PCDHGA11: variants seen among roughly 807,000 people sequenced by gnomAD.
PCDHGA11 encodes the protein protocadherin gamma-A11.
Under a neutral mutation model 60.4 loss-of-function variants are expected in PCDHGA11, and 39 were observed. That is an observed-to-expected ratio of 0.65 (90% CI 0.50 to 0.84). The LOEUF (loss-of-function observed/expected upper bound fraction) is 0.84, where lower values mean the gene tolerates loss of function less well. Ranked by LOEUF, PCDHGA11 falls within the 40% of genes least tolerant of loss-of-function variation. The pLI is 0.00. For missense variants in PCDHGA11, 1,165 were observed against 1,197.7 expected, an observed-to-expected ratio of 0.97 and a Z score of 0.40; for synonymous variants, 533 against 510.3, an observed-to-expected ratio of 1.04 and a Z score of -0.60.
Position 141,432,325 on chromosome 5 carries a change from C to CGAGCA in PCDHGA11, c.2433+8667_2433+8671dup, listed in dbSNP as rs768604869. On this transcript the variant is annotated intron_variant, in intron 1 of 3. Coordinates refer to ENST00000398587, the MANE Select transcript of PCDHGA11 (RefSeq NM_018914.3). This position sits in a 1 kb window ranked among gnomAD's most constrained non-coding sequence, Gnocchi z 6.0. Reference sequence around the variant, plus strand: ...TGTATGCGCTGAGCTCCTTCGACTACGAGCAGTTCCGAGACTTGCAAGTGA... The same window carrying CGAGCA: ...TGTATGCGCTGAGCTCCTTCGACTACGAGCAGAGCAGTTCCGAGACTTGCAAGTGA... 20 of 1,614,142 alleles carry CGAGCA rather than the reference C, an allele frequency of 1.2e-5. No individual in the cohort carries two copies. Among genetic ancestry groups the CGAGCA allele is most frequent in the Non-Finnish European group, 1.7e-5 (20 of 1,180,050 alleles).
At chr5:141,509,670 T>G (rs2099877782) in intron 3 of PCDHGA11, among the ~76,000 whole-genome samples, 1 of 152,136 alleles carries the variant, frequency 6.6e-6, no homozygotes, top group African/African-American at 2.4e-5. Flanking sequence ...TGGGCCCCAG[T>G]TTCTTCTTCT....
chr5:141,423,832 T>G, intron 1 of PCDHGA11, 172 bp downstream of exon 1: 113 of 1,253,376 alleles, frequency 9.0e-5, no homozygotes, highest in East Asian at 2.6e-4. Context: ...TTTCATGAGA[T>G]TACGATAATC....
chr5:141,501,374 T>A (rs2099808767), intron 2 of PCDHGA11, among the ~76,000 whole-genome samples: 1 of 151,106 alleles, frequency 6.6e-6, no homozygotes. Context: ...CATCATCTCT[T>A]AAATCCTAGG....
chr5:141,426,719 A>G (rs776136674), intron 1 of PCDHGA11: 2 of 446,424 alleles, frequency 4.5e-6, no homozygotes, highest in Non-Finnish European at 9.1e-6. Context: ...ATGAACTAGC[A>G]ATTCCAGGCA....
intron 1 of PCDHGA11, among the ~76,000 whole-genome samples, chr5:141,448,476 G>A (rs1002358317): frequency 1.3e-5 from 2 of 151,976 alleles, no homozygotes; most frequent in African/African-American, 4.8e-5. Flanking sequence ...TTCCACCCTT[G>A]CTTCCTCCTG....
At position 141,491,566 on chromosome 5, in the gene PCDHGA11, A is replaced by G; in HGVS notation, c.2434-3241A>G. Reference sequence around the variant, plus strand: ...AGACTCGCAGAGCCACTGCTACAGGACGTGCTTTTCACCGGCCTCGGACGG... The same window carrying G: ...AGACTCGCAGAGCCACTGCTACAGGGCGTGCTTTTCACCGGCCTCGGACGG... On this transcript the variant is annotated intron_variant, in intron 1 of 3. Transcript: ENST00000398587. This position sits in a 1 kb window ranked among gnomAD's most constrained non-coding sequence, Gnocchi z 6.9. 1 of 1,613,950 alleles carries G rather than the reference A, an allele frequency of 6.2e-7. No individual in the cohort carries two copies.
At chr5:141,459,263 C>T (rs2098964603) in intron 1 of PCDHGA11, among the ~76,000 whole-genome samples, 1 of 152,176 alleles carries the variant, frequency 6.6e-6, no homozygotes, top group South Asian at 2.1e-4. Flanking sequence ...ATTAGTGTTG[C>T]CTCTTTCAGA....
chr5:141,483,648 TTGTGTGTGTGTGTG>T (rs111458813), intron 1 of PCDHGA11, among the ~76,000 whole-genome samples: 1 of 149,592 alleles, frequency 6.7e-6, no homozygotes, highest in Non-Finnish European at 1.5e-5. Flanking sequence ...GGGTGTGTGT[TTGTGTGTGTGTGTG>T]TGTGTGTAAA....
At chr5:141,462,896 A>G (rs1280422442) in intron 1 of PCDHGA11, among the ~76,000 whole-genome samples, 1 of 152,142 alleles carries the variant, frequency 6.6e-6, no homozygotes, top group African/African-American at 2.4e-5. Context: ...TTGTTTTGGA[A>G]GGCTATTATG....
chr5:141,441,162 G>A (rs1009205566), intron 1 of PCDHGA11: 48 of 152,166 alleles, frequency 3.2e-4, no homozygotes, highest in Admixed American at 1.5e-3. Flanking sequence ...TCCTAGAGGC[G>A]ATTTTTACTT....
At chr5:141,456,352 C>T (rs1253586137) in intron 1 of PCDHGA11, among the ~76,000 whole-genome samples, 1 of 152,050 alleles carries the variant, frequency 6.6e-6, no homozygotes, top group Non-Finnish European at 1.5e-5. Flanking sequence ...GGAAGAATGG[C>T]GTCCATGTGT....
At position 141,421,580 on chromosome 5, in the gene PCDHGA11, A is replaced by G. The variant is rs375319424; in HGVS notation, c.353A>G (p.Tyr118Cys). ...CTCGTGGAAGACACCTTGAAGATTT[A>G]CGGAGTGGAGGTGGAAATAATAGAT... Reference protein sequence around the residue: ...ELLVEDTLKIYGVEVEIIDIN... With the variant: ...ELLVEDTLKICGVEVEIIDIN... Residue 118 changes from tyrosine (Y) to cysteine (C), a missense_variant, in exon 1 of 4, where the codon TAC becomes TGC. Transcript: ENST00000398587. The G allele has an allele frequency of 1.1e-5, 17 of 1,613,782 alleles. No individual in the cohort carries two copies. In the East Asian group the frequency reaches 2.7e-4, roughly 25 times the overall value.
intron 1 of PCDHGA11, among the ~76,000 whole-genome samples, chr5:141,471,978 A>C (rs1246474598): frequency 1.3e-5 from 2 of 152,184 alleles, no homozygotes; most frequent in African/African-American, 4.8e-5. Flanking sequence ...TTACTGTATA[A>C]ATTTATTAAA....
At position 141,493,223 on chromosome 5, in the gene PCDHGA11, A is replaced by G. The variant is rs2099747083; in HGVS notation, c.2434-1584A>G. Among the ~76,000 whole-genome samples, 1 of 152,142 alleles carries G rather than the reference A, an allele frequency of 6.6e-6. No homozygotes were observed. The highest frequency in any genetic ancestry group is 6.6e-5 in the Admixed American group (1 of 15,262). On this transcript the variant is annotated intron_variant, in intron 1 of 3. Transcript: ENST00000398587. The surrounding 1 kb of genome is among the most constrained non-coding windows in gnomAD (Gnocchi z 4.3). ...CCTCATCTCATTTGCTCTTCCCACC[A>G]TTGCTGTTGGCTAGGTACTAACATG...
chr5:141,468,853 G>A (rs893773356), intron 1 of PCDHGA11, among the ~76,000 whole-genome samples: 7 of 151,000 alleles, frequency 4.6e-5, no homozygotes, highest in Admixed American at 6.6e-5. Context: ...GCAACAGAGC[G>A]AGACTCCATC....
At chr5:141,456,777 A>G (rs572940615) in intron 1 of PCDHGA11, among the ~76,000 whole-genome samples, 2 of 152,214 alleles carry the variant, frequency 1.3e-5, no homozygotes, top group Admixed American at 6.5e-5. Flanking sequence ...AGCCTGGCCT[A>G]CATGGCAAAA....
Position 141,490,667 on chromosome 5 carries a change from T to C in PCDHGA11, c.2434-4140T>C, listed in dbSNP as rs906656199. The stretch of plus-strand genomic sequence containing the variant: ...CCTCCGGGCTCCCTTCTTTGCACTG[T>C]GGCTGCCTCAGATCCAGACACTGGG... On this transcript the variant is annotated intron_variant, in intron 1 of 3. Transcript: ENST00000398587. This position sits in a 1 kb window ranked among gnomAD's most constrained non-coding sequence, Gnocchi z 5.4. The C allele has an allele frequency of 6.8e-6, 11 of 1,614,206 alleles. 1 individual carries two copies. The highest frequency in any genetic ancestry group is 4.5e-5 in the East Asian group (2 of 44,876).
rs774563598 is a variant in PCDHGA11 at position 141,431,225 on chromosome 5, C to T, written c.2433+7565C>T. 16 of 1,614,118 alleles carry T rather than the reference C, an allele frequency of 9.9e-6. No individual in the cohort carries two copies. The highest frequency in any genetic ancestry group is 1.2e-5 in the Non-Finnish European group (14 of 1,180,036). On this transcript the variant is annotated intron_variant, in intron 1 of 3. Transcript: ENST00000398587. The surrounding 1 kb of genome is among the most constrained non-coding windows in gnomAD (Gnocchi z 4.8). ...CACTGAGATGCGGTTCCCTCTACCC[C>T]ACGCCTGGGATCCGGATATCGGGAA...
intron 3 of PCDHGA11, 61 bp downstream of exon 3, chr5:141,505,542 A>G (rs2099846540): frequency 6.2e-7 from 1 of 1,604,832 alleles, no homozygotes; most frequent in African/African-American, 1.3e-5. Context: ...GGTGCATCTC[A>G]CAGCCACCAT....
Sources: gnomAD v4.1 joint callset for allele counts (sites outside exome capture counted in the v4.1 genomes callset) on GRCh38, gnomAD v4.1.1 for gene constraint, Gnocchi (gnomAD v3.1) non-coding constraint, MANE v1.5 for transcripts, NCBI Gene and HGNC (gene_info 2026-07-23, HGNC 2026-07-21) for gene names.